Variants in FAHD2A observed in about 807,000 individuals in gnomAD.
FAHD2A encodes fumarylacetoacetate hydrolase domain containing 2A.
FAHD2A carries 27 observed loss-of-function variants against 33.4 expected under a neutral mutation model. The ratio of observed to expected loss-of-function variants is 0.81; its 90% CI spans 0.60 to 1.11. The LOEUF is 1.11. Ranked by LOEUF, FAHD2A falls within the 50% of genes most tolerant of loss-of-function variation. The pLI, the probability that FAHD2A is intolerant of heterozygous loss-of-function variation, is 0.00. For synonymous variants in FAHD2A, 130 were observed against 153.3 expected, an observed-to-expected ratio of 0.85 and a Z score of 1.12; for missense variants, 296 against 395.0, an observed-to-expected ratio of 0.75 and a Z score of 2.12.
chr2:95,411,731 A>G (rs553945737), intron 5 of FAHD2A, among the ~76,000 whole-genome samples: 14 of 152,358 alleles, frequency 9.2e-5, no homozygotes, highest in African/African-American at 2.9e-4. Context: ...CCCTGCCAGC[A>G]TCCAGTACAC....
At chr2:95,407,750 C>T (rs193121557) in intron 3 of FAHD2A, among the ~76,000 whole-genome samples, 1 of 152,266 alleles carries the variant, frequency 6.6e-6, no homozygotes, top group Non-Finnish European at 1.5e-5. Context: ...AATATGTCAG[C>T]GTATAGGCAG....
downstream of FAHD2A, among the ~76,000 whole-genome samples, chr2:95,416,917 C>A (rs1683209460): frequency 1.3e-5 from 2 of 152,334 alleles, no homozygotes; most frequent in African/African-American, 2.4e-5. Flanking sequence ...CCCAGGACAA[C>A]CTCTCCAAAG....
chr2:95,409,115 T>C (rs1404565246), intron 3 of FAHD2A, among the ~76,000 whole-genome samples: 1 of 152,252 alleles, frequency 6.6e-6, no homozygotes, highest in African/African-American at 2.4e-5. Context: ...CTCATGTCAG[T>C]GGTCCCAGAA....
chr2:95,411,808 C>T (rs1332438959), intron 5 of FAHD2A, among the ~76,000 whole-genome samples: 2 of 152,010 alleles, frequency 1.3e-5, no homozygotes, highest in African/African-American at 2.4e-5. Flanking sequence ...TTTTTTTTGC[C>T]ATGGTCTTAC....
At position 95,413,675 on chromosome 2, in the gene FAHD2A, C is replaced by G; in HGVS notation, c.*718C>G. On this transcript the variant is annotated 3_prime_UTR_variant, in exon 8 of 8. Transcript: ENST00000233379. ...AAACCTGCCTTGAGACCTCTGACCC[C>G]TTAGGCCTCAGTGTTTGAGTGCAAA... The G allele has an allele frequency of 8.2e-7, 1 of 1,212,424 alleles. No individual in the cohort carries two copies. Among genetic ancestry groups the G allele is most frequent in the Non-Finnish European group, 1.1e-6 (1 of 884,628 alleles). The allele number at this position is 1,212,424 out of a possible 1,614,324, so 75.1% of individuals were successfully genotyped here.
intron 3 of FAHD2A, among the ~76,000 whole-genome samples, chr2:95,409,663 A>G (rs1055666341): frequency 3.3e-5 from 5 of 152,202 alleles, no homozygotes; most frequent in East Asian, 1.9e-4. Flanking sequence ...GCATTCTTCT[A>G]TGAAGAAAAG....
Position 95,404,397 on chromosome 2 carries a change from G to A in FAHD2A, c.-6-1156G>A, listed in dbSNP as rs113373060. Among the ~76,000 whole-genome samples the A allele has an allele frequency of 2.7e-3, 412 of 152,128 alleles. 1 individual carries two copies. The highest frequency in any genetic ancestry group is 6.8e-3 in the Middle Eastern group (2 of 294). The stretch of plus-strand genomic sequence containing the variant: ...CAACCTCCTTCCCCTGGGTTCAAGC[G>A]ATTCTCGTGTCTCAGCCTCCCTAGT... On this transcript the variant is annotated intron_variant, in intron 1 of 7. Transcript: ENST00000233379.
rs1380707333 is a variant in FAHD2A at position 95,414,388 on chromosome 2, A to T, written c.*1431A>T. On this transcript the variant is annotated 3_prime_UTR_variant, in exon 8 of 8. Coordinates refer to ENST00000233379, the MANE Select transcript of FAHD2A (RefSeq NM_016044.3). The stretch of plus-strand genomic sequence containing the variant: ...AGATGTGGAGCTGGGAAAACAGAGG[A>T]TGTGGTGGGATGGGGAAGGAAAGGT... 17 of 638,766 alleles carry T rather than the reference A, an allele frequency of 2.7e-5. No individual in the cohort carries two copies. 39.6% of individuals were successfully genotyped at this position (638,766 alleles called of 1,614,324 possible). A position where few individuals can be genotyped will look rare whatever the true frequency, so the allele number is the denominator to read the frequency against.
chr2:95,411,136 T>G (rs1390469672), intron 5 of FAHD2A, 110 bp downstream of exon 5: 4 of 1,509,234 alleles, frequency 2.7e-6, no homozygotes, highest in Non-Finnish European at 3.6e-6. Context: ...CTGGCCGCCC[T>G]TTCACTGCTG....
intron 4 of FAHD2A, 41 bp from the exon 5 acceptor site, chr2:95,410,823 T>A (rs778744172): frequency 6.2e-7 from 1 of 1,609,536 alleles, no homozygotes; most frequent in East Asian, 2.2e-5. Flanking sequence ...GTGTCACCCA[T>A]GATCTAACCT....
chr2:95,419,268 T>C (rs545864801), downstream of FAHD2A, among the ~76,000 whole-genome samples: 92 of 152,204 alleles, frequency 6.0e-4, 1 homozygote, highest in Non-Finnish European at 1.2e-3. Flanking sequence ...AATGTGTTCA[T>C]GAAGAGATGG....
chr2:95,408,006 T>G (rs1681879050), intron 3 of FAHD2A, among the ~76,000 whole-genome samples: 1 of 151,196 alleles, frequency 6.6e-6, no homozygotes, highest in Non-Finnish European at 1.5e-5. Context: ...TCCCTTGTCT[T>G]CTCCCTGCCC....
downstream of FAHD2A, among the ~76,000 whole-genome samples, chr2:95,417,912 T>C (rs1303975086): frequency 2.0e-5 from 3 of 152,200 alleles, no homozygotes; most frequent in African/African-American, 7.2e-5. Flanking sequence ...GGTTTCAACA[T>C]ACATTTGGGA....
chr2:95,418,031 A>G (rs1683256228), downstream of FAHD2A, among the ~76,000 whole-genome samples: 3 of 114,510 alleles, frequency 2.6e-5, 1 homozygote, highest in South Asian at 8.6e-4. Flanking sequence ...AGTGTAGATC[A>G]AACTTCTCTA....
Position 95,415,554 on chromosome 2 carries a change from G to A in FAHD2A, c.*2597G>A, listed in dbSNP as rs1327738622. On this transcript the variant is annotated 3_prime_UTR_variant, in exon 8 of 8. Transcript: ENST00000233379. The stretch of plus-strand genomic sequence containing the variant: ...AAATTTATAAATATCAGCATTAAGC[G>A]AGATTTAACGGGGAGCTGTTTATCT... 6 of 152,576 alleles carry A rather than the reference G, an allele frequency of 3.9e-5. No homozygotes were observed. The highest frequency in any genetic ancestry group is 2.1e-4 in the South Asian group (1 of 4,826). 9.5% of individuals were successfully genotyped at this position (152,576 alleles called of 1,614,324 possible). A position where few individuals can be genotyped will look rare whatever the true frequency, so the allele number is the denominator to read the frequency against.
chr2:95,421,005 C>G (rs1333897451), downstream of FAHD2A, among the ~76,000 whole-genome samples: 7 of 129,896 alleles, frequency 5.4e-5, no homozygotes, highest in African/African-American at 1.1e-4. Context: ...GAATGAACCT[C>G]TGTGTGTGTG....
chr2:95,413,783 CCTT>C lies in FAHD2A; in HGVS notation c.*829_*831del, dbSNP rs1020830116. 6 of 697,170 alleles carry C rather than the reference CCTT, an allele frequency of 8.6e-6. No individual in the cohort carries two copies. The highest frequency in any genetic ancestry group is 1.5e-5 in the Non-Finnish European group (6 of 400,796). 43.2% of individuals were successfully genotyped at this position (697,170 alleles called of 1,614,324 possible). A position where few individuals can be genotyped will look rare whatever the true frequency, so the allele number is the denominator to read the frequency against. ...GACCAAGAGGCAGGAAACCATCCCACCTTCTCCAACCCATCACCACGTCTATTG... is the reference window on the plus strand; with the variant it reads ...GACCAAGAGGCAGGAAACCATCCCACCTCCAACCCATCACCACGTCTATTG... On this transcript the variant is annotated 3_prime_UTR_variant, in exon 8 of 8. Coordinates refer to ENST00000233379, the MANE Select transcript of FAHD2A (RefSeq NM_016044.3).
In FAHD2A at chr2:95,414,339, G is replaced by A. The variant is rs1325230265; in HGVS notation, c.*1382G>A. 1.3e-6 allele frequency: 1 copy of A among 796,544 alleles called. No homozygotes were observed. The highest frequency in any genetic ancestry group is 2.2e-6 in the Non-Finnish European group (1 of 456,612). 49.3% of individuals were successfully genotyped at this position (796,544 alleles called of 1,614,324 possible). A position where few individuals can be genotyped will look rare whatever the true frequency, so the allele number is the denominator to read the frequency against. On this transcript the variant is annotated 3_prime_UTR_variant, in exon 8 of 8. Coordinates refer to ENST00000233379, the MANE Select transcript of FAHD2A (RefSeq NM_016044.3). ...AAGAAGACATCAAAAAGAAAATCTA[G>A]TGCTGGGTGGATATAGAGTATGAAG...
chr2:95,413,473 A>G lies in FAHD2A; in HGVS notation c.*516A>G. 1.2e-6 allele frequency: 2 copies of G among 1,610,506 alleles called. No homozygotes were observed. Among genetic ancestry groups the G allele is most frequent in the Non-Finnish European group, 8.5e-7 (1 of 1,179,380 alleles). ...GTTCTAGCTACAAGTGAACTGCCGG[A>G]TGAACTGTTCTAGTTTTTCCTGATT... is the stretch of plus-strand genomic sequence containing the variant. On this transcript the variant is annotated 3_prime_UTR_variant, in exon 8 of 8. Transcript: ENST00000233379.
Sources: gnomAD v4.1 joint callset for allele counts (sites outside exome capture counted in the v4.1 genomes callset) on GRCh38, gnomAD v4.1.1 for gene constraint, MANE v1.5 for transcripts, NCBI Gene and HGNC (gene_info 2026-07-23, HGNC 2026-07-21) for gene names.